DNM2: variants seen among roughly 807,000 people sequenced by gnomAD.
DNM2 encodes dynamin-2.
A neutral mutation model predicts 99.0 loss-of-function variants in DNM2; 15 were observed. The ratio of observed to expected loss-of-function variants is 0.15; its 90% CI spans 0.10 to 0.23. The LOEUF (loss-of-function observed/expected upper bound fraction) is 0.23, where lower values mean the gene tolerates loss of function less well. Ranked by LOEUF, DNM2 falls within the 10% of genes least tolerant of loss-of-function variation. The pLI, the probability that DNM2 is intolerant of heterozygous loss-of-function variation, is 1.00. For missense variants in DNM2, 742 were observed against 1,189.4 expected (o/e 0.62, Z 5.53); for synonymous variants, 525 against 481.2 (o/e 1.09, Z -1.19).
intron 12 of DNM2, among the ~76,000 whole-genome samples, chr19:10,803,452 C>G (rs779759329): frequency 6.6e-6 from 1 of 152,218 alleles, no homozygotes; most frequent in African/African-American, 2.4e-5. Flanking sequence ...GCCCCCGGCC[C>G]TGTGCTCCCG....
chr19:10,746,727 G>GTTTTTTTTTTTTTTTTTTTTTTT lies in DNM2; in HGVS notation c.162-13005_162-13004insTTTTTTTTTTTTTTTTTTTTTTT, dbSNP rs757494612. 1.7e-5 allele frequency among the ~76,000 whole-genome samples: 2 copies of GTTTTTTTTTTTTTTTTTTTTTTT among 116,210 alleles called. 1 individual carries two copies. The highest frequency in any genetic ancestry group is 3.3e-5 in the Non-Finnish European group (2 of 60,032). The allele number at this position is 116,210 out of a possible 152,430, so 76.2% of individuals were successfully genotyped here. ...GAGCAACCGTGCCGGCTTTTTTTTT[G>GTTTTTTTTTTTTTTTTTTTTTTT]TTTTTTGTTTTTTTTTTTTTTGAGA... On this transcript the variant is annotated intron_variant, in intron 1 of 20. Coordinates refer to ENST00000389253, the MANE Select transcript of DNM2 (RefSeq NM_001005361.3).
Position 10,820,640 on chromosome 19 carries a change from G to A in DNM2, c.1781+551G>A, listed in dbSNP as rs2072941705. Among the ~76,000 whole-genome samples, 1 of 152,234 alleles carries A rather than the reference G, an allele frequency of 6.6e-6. No homozygotes were observed. Among genetic ancestry groups the A allele is most frequent in the Admixed American group, 6.5e-5 (1 of 15,288 alleles). On this transcript the variant is annotated intron_variant, in intron 16 of 20. Transcript: ENST00000389253. The surrounding 1 kb of genome is among the most constrained non-coding windows in gnomAD (Gnocchi z 4.3). ...TGCTGCCATTGGCCGAGGTGGGGAA[G>A]GCAGCGGCAGGTAGGCCTGGAGACA...
rs901263400 is a variant in DNM2 at position 10,765,366 on chromosome 19, C to T, written c.235+5555C>T. 6.6e-6 allele frequency among the ~76,000 whole-genome samples: 1 copy of T among 152,204 alleles called. No individual in the cohort carries two copies. The highest frequency in any genetic ancestry group is 2.4e-5 in the African/African-American group (1 of 41,456). On this transcript the variant is annotated intron_variant, in intron 2 of 20. Coordinates refer to ENST00000389253, the MANE Select transcript of DNM2 (RefSeq NM_001005361.3). This position sits in a 1 kb window ranked among gnomAD's most constrained non-coding sequence, Gnocchi z 4.4. ...CGAGCAGGTGCTCCGCATGCACGGC[C>T]GAGTGAACGAGCTCAAAGGGCTGGT...
intron 15 of DNM2, among the ~76,000 whole-genome samples, chr19:10,814,016 GC>G (rs1289936144): frequency 6.6e-6 from 1 of 152,002 alleles, no homozygotes; most frequent in Non-Finnish European, 1.5e-5. Context: ...GCAAAAATTA[GC>G]CAGGTGTGGT....
chr19:10,772,677 T>C lies in DNM2; in HGVS notation c.385+49T>C, dbSNP rs1237190449. ...ATCACTGACCGTTTCTGGTCGTTCATGGACAGTGCTATGGGTGAGCCTGTG... is the reference window on the plus strand; with the variant it reads ...ATCACTGACCGTTTCTGGTCGTTCACGGACAGTGCTATGGGTGAGCCTGTG... On this transcript the variant is annotated intron_variant, in intron 3 of 20. Coordinates refer to ENST00000389253, the MANE Select transcript of DNM2 (RefSeq NM_001005361.3). The surrounding 1 kb of genome is among the most constrained non-coding windows in gnomAD (Gnocchi z 4.9). 2 of 1,612,136 alleles carry C rather than the reference T, an allele frequency of 1.2e-6. No individual in the cohort carries two copies. The highest frequency in any genetic ancestry group is 1.3e-5 in the African/African-American group (1 of 74,882).
intron 1 of DNM2, among the ~76,000 whole-genome samples, chr19:10,736,770 T>C (rs2069543640): frequency 6.6e-6 from 1 of 152,138 alleles, no homozygotes; most frequent in Admixed American, 6.6e-5. Context: ...CCAGTACAGT[T>C]TCTGCCTCCT....
At chr19:10,770,937 T>C (rs1171238318) in intron 2 of DNM2, among the ~76,000 whole-genome samples, 1 of 152,032 alleles carries the variant, frequency 6.6e-6, no homozygotes, top group African/African-American at 2.4e-5. Context: ...GAACTACAGG[T>C]GTGCGCCAAC....
At position 10,772,711 on chromosome 19, in the gene DNM2, C is replaced by T; in HGVS notation, c.385+83C>T. ...CTATGGGTGAGCCTGTGTACTTCCA[C>T]TCATGGGTATCATGTGCCCATTCAC... On this transcript the variant is annotated intron_variant, in intron 3 of 20. Coordinates refer to ENST00000389253, the MANE Select transcript of DNM2 (RefSeq NM_001005361.3). The surrounding 1 kb of genome is among the most constrained non-coding windows in gnomAD (Gnocchi z 4.9). The T allele has an allele frequency of 6.3e-7, 1 of 1,590,310 alleles. No homozygotes were observed. Among genetic ancestry groups the T allele is most frequent in the Non-Finnish European group, 8.6e-7 (1 of 1,166,720 alleles).
intron 1 of DNM2, among the ~76,000 whole-genome samples, chr19:10,743,767 G>A (rs368566747): frequency 3.9e-5 from 5 of 128,802 alleles, no homozygotes; most frequent in East Asian, 4.7e-4. Flanking sequence ...CCGAGATTGC[G>A]CCACTGCACT....
intron 1 of DNM2, chr19:10,755,266 A>T (rs2070342289): frequency 6.6e-6 from 1 of 152,206 alleles, no homozygotes; most frequent in Non-Finnish European, 1.5e-5. Flanking sequence ...AGACACACGA[A>T]GCAGACAGGA....
chr19:10,720,121 T>C (rs2068887600), intron 1 of DNM2, among the ~76,000 whole-genome samples: 1 of 152,178 alleles, frequency 6.6e-6, no homozygotes, highest in African/African-American at 2.4e-5. Flanking sequence ...CTCTGTCTCT[T>C]TCACTTGCCT....
At chr19:10,819,862 G>A (rs937707269) in intron 15 of DNM2, 118 bp from the exon 16 acceptor site, 1 of 904,402 alleles carries the variant, frequency 1.1e-6, no homozygotes, top group Non-Finnish European at 1.9e-6. Flanking sequence ...ATATACAGCA[G>A]CGACCAGCAT....
chr19:10,794,191 G>A (rs2146016527), intron 8 of DNM2, among the ~76,000 whole-genome samples: 1 of 152,332 alleles, frequency 6.6e-6, no homozygotes, highest in East Asian at 1.9e-4. Context: ...AGGCATTGGA[G>A]CCAGCATGTG....
At chr19:10,760,365 G>C (rs1430484723) in intron 2 of DNM2, among the ~76,000 whole-genome samples, 2 of 151,974 alleles carry the variant, frequency 1.3e-5, no homozygotes, top group Non-Finnish European at 2.9e-5. Context: ...ATGTGTTATA[G>C]ATAACCCGAT....
At position 10,718,144 on chromosome 19, in the gene DNM2, G is replaced by A; in HGVS notation, c.-99G>A. The A allele has an allele frequency of 8.1e-7, 1 of 1,232,992 alleles. No homozygotes were observed. Among genetic ancestry groups the A allele is most frequent in the Non-Finnish European group, 1.0e-6 (1 of 979,448 alleles). 76.4% of individuals were successfully genotyped at this position (1,232,992 alleles called of 1,614,324 possible). A position where few individuals can be genotyped will look rare whatever the true frequency, so the allele number is the denominator to read the frequency against. ...GCGGGCGTCTTGCCGAGGCCCGGGCGGGCGGGGAGCAACGGCTACAGACGC... is the reference window on the plus strand; with the variant it reads ...GCGGGCGTCTTGCCGAGGCCCGGGCAGGCGGGGAGCAACGGCTACAGACGC... On this transcript the variant is annotated 5_prime_UTR_variant, in exon 1 of 21. Coordinates refer to ENST00000389253, the MANE Select transcript of DNM2 (RefSeq NM_001005361.3).
At chr19:10,768,295 T>C (rs979344946) in intron 2 of DNM2, among the ~76,000 whole-genome samples, 8 of 151,476 alleles carry the variant, frequency 5.3e-5, no homozygotes, top group Non-Finnish European at 1.2e-4. Flanking sequence ...CCACTAAAAA[T>C]ACAAAAAAAT....
intron 1 of DNM2, among the ~76,000 whole-genome samples, chr19:10,757,935 C>T (rs1478333368): frequency 1.5e-5 from 2 of 135,618 alleles, no homozygotes; most frequent in Non-Finnish European, 3.1e-5. Context: ...AAGAGCGAAG[C>T]TCTGTCTCAA....
chr19:10,718,314 C>A lies in DNM2; in HGVS notation c.72C>A (p.Gly24=). ...NKLQDAFSSI[G]QSCHLDLPQI... is the part of the protein sequence containing the mutation. ...TGCAGGACGCCTTCAGCTCCATCGG[C>A]CAGAGCTGCCACCTGGACCTGCCGC... The change falls in exon 1 of 21, where the codon GGC becomes GGA. Residue 24 remains glycine (G), a synonymous_variant. Coordinates refer to ENST00000389253, the MANE Select transcript of DNM2 (RefSeq NM_001005361.3). 2 of 1,511,476 alleles carry A rather than the reference C, an allele frequency of 1.3e-6. No individual in the cohort carries two copies. The highest frequency in any genetic ancestry group is 1.4e-5 in the African/African-American group (1 of 69,812). The allele number at this position is 1,511,476 out of a possible 1,614,324, so 93.6% of individuals were successfully genotyped here.
chr19:10,807,249 A>AT (rs1236573414), intron 13 of DNM2, among the ~76,000 whole-genome samples: 1 of 150,016 alleles, frequency 6.7e-6, no homozygotes, highest in Admixed American at 6.6e-5. Context: ...ATTTTTTTTT[A>AT]TTTTTTTCTT....
Sources: allele counts gnomAD v4.1 joint callset (sites outside exome capture counted in the v4.1 genomes callset), GRCh38; gene constraint gnomAD v4.1.1; non-coding constraint Gnocchi (gnomAD v3.1); transcripts MANE v1.5; gene names NCBI Gene and HGNC (gene_info 2026-07-23, HGNC 2026-07-21).